The following CNKSR2 variants were observed in gnomAD, a reference collection of about 807,000 sequenced individuals.
CNKSR2 encodes the protein connector enhancer of kinase suppressor of Ras 2.
In CNKSR2, 14 loss-of-function variants were observed where a neutral mutation model predicts 84.4. The observed-to-expected ratio is 0.17, with a 90% CI of 0.11 to 0.26. The LOEUF is 0.26. Among genes scored for constraint, CNKSR2 ranks in the 10% least tolerant of loss-of-function variants. The probability of loss-of-function intolerance (pLI) is 1.00; values close to 1 mark genes in which losing one functional copy is unlikely to be tolerated. For synonymous variants in CNKSR2, 275 were observed against 277.9 expected, an observed-to-expected ratio of 0.99 and a Z score of 0.10; for missense variants, 485 against 771.2, an observed-to-expected ratio of 0.63 and a Z score of 4.40.
intron 4 of CNKSR2, 128 bp from the exon 5 acceptor site, chrX:21,470,638 T>G (rs2091185634): frequency 2.9e-6 from 1 of 340,152 alleles, no homozygotes; most frequent in South Asian, 6.1e-5. Flanking sequence ...CATCCTAGAT[T>G]TTTCCTGTTA....
chrX:21,562,636 A>G (rs1480623972), intron 12 of CNKSR2, among the ~76,000 whole-genome samples: 1 of 111,793 alleles, frequency 8.9e-6, no homozygotes, highest in Non-Finnish European at 1.9e-5. Context: ...AATGCTTATC[A>G]CATGCTATCT....
chrX:21,510,514 G>A (rs1162607946), intron 8 of CNKSR2, among the ~76,000 whole-genome samples: 1 of 111,058 alleles, frequency 9.0e-6, no homozygotes. Context: ...AGTTCTAAAG[G>A]GGTCAGAGAC....
At chrX:21,587,731 G>A (rs1409468539) in intron 13 of CNKSR2, among the ~76,000 whole-genome samples, 1 of 111,609 alleles carries the variant, frequency 9.0e-6, no homozygotes, top group Non-Finnish European at 1.9e-5. Context: ...AACCCTTTCT[G>A]GAGATTATTT....
intron 3 of CNKSR2, 91 bp from the exon 4 acceptor site, chrX:21,440,603 A>T: frequency 2.8e-6 from 1 of 362,151 alleles, no homozygotes; most frequent in Non-Finnish European, 4.8e-6. Context: ...AATTTATTTC[A>T]TATTATTGAT....
intron 4 of CNKSR2, among the ~76,000 whole-genome samples, chrX:21,456,207 G>A (rs927025544): frequency 9.0e-6 from 1 of 111,638 alleles, no homozygotes; most frequent in African/African-American, 3.2e-5. Flanking sequence ...TCCTGTGTAT[G>A]TGTGTGTGTC....
rs144970905 is a variant in CNKSR2 at position 21,419,742 on chromosome X, A to G, written c.65-6755A>G. On this transcript the variant is annotated intron_variant, in intron 1 of 21. Transcript: ENST00000379510. The stretch of plus-strand genomic sequence containing the variant: ...TGTTCTCTTCCCTTACTGTCTCCCA[A>G]ATAAACAGTCTCTCACTCTGTTGTG... Among the ~76,000 whole-genome samples the G allele has an allele frequency of 3.3e-3, 373 of 112,199 alleles. 3 individuals are homozygous for G. The highest frequency in any genetic ancestry group is 0.029 in the Admixed American group (309 of 10,673).
intron 1 of CNKSR2, among the ~76,000 whole-genome samples, chrX:21,377,589 T>C (rs1338274736): frequency 1.8e-5 from 2 of 111,844 alleles, no homozygotes; most frequent in Non-Finnish European, 3.8e-5. Flanking sequence ...ATCCTTAGCA[T>C]TAAAAGCATA....
intron 13 of CNKSR2, among the ~76,000 whole-genome samples, chrX:21,584,498 A>G (rs759880894): frequency 4.4e-5 from 5 of 112,554 alleles, no homozygotes; most frequent in Non-Finnish European, 9.4e-5. Flanking sequence ...AATACTTAAG[A>G]TAATGCTAAA....
chrX:21,468,466 C>CT (rs1440770898), intron 4 of CNKSR2: 1 of 110,841 alleles, frequency 9.0e-6, no homozygotes, highest in Non-Finnish European at 1.9e-5. Context: ...GTCCTGAGTC[C>CT]TACTAAAACA....
At chrX:21,629,658 A>C (rs2092638778) in intron 20 of CNKSR2, among the ~76,000 whole-genome samples, 1 of 111,305 alleles carries the variant, frequency 9.0e-6, no homozygotes, top group East Asian at 2.8e-4. Context: ...ACCCACCCCC[A>C]TGATTCAATT....
chrX:21,601,994 A>G (rs886583294), intron 18 of CNKSR2, among the ~76,000 whole-genome samples: 3 of 112,467 alleles, frequency 2.7e-5, no homozygotes, highest in African/African-American at 6.5e-5. Flanking sequence ...CCACAGATTG[A>G]CATACTTATA....
At chrX:21,595,109 A>G in intron 16 of CNKSR2, 62 bp downstream of exon 16, 1 of 913,504 alleles carries the variant, frequency 1.1e-6, no homozygotes, top group Non-Finnish European at 1.6e-6. Context: ...CCAGCTTTTA[A>G]ATTATAGGTT....
At chrX:21,586,185 G>C (rs576825745) in intron 13 of CNKSR2, among the ~76,000 whole-genome samples, 3 of 111,339 alleles carry the variant, frequency 2.7e-5, no homozygotes, top group South Asian at 7.7e-4. Context: ...GAGAACCAAT[G>C]GACCTCAGCT....
rs1468291649 is a variant in CNKSR2, at chrX:21,441,633, C to T, written c.519+852C>T. Among the ~76,000 whole-genome samples the T allele has an allele frequency of 3.6e-5, 4 of 111,560 alleles. No individual in the cohort carries two copies. The Admixed American group carries it at 3.8e-4, about 11-fold the overall frequency. ...TAAAATAAATTACATAGCTTACGAA[C>T]AGTTAATGTTCATCTAATCATCTAA... On this transcript the variant is annotated intron_variant, in intron 4 of 21. Coordinates refer to ENST00000379510, the MANE Select transcript of CNKSR2 (RefSeq NM_014927.5).
At chrX:21,509,699 C>T (rs1212792756) in intron 8 of CNKSR2, among the ~76,000 whole-genome samples, 1 of 111,301 alleles carries the variant, frequency 9.0e-6, no homozygotes, top group Non-Finnish European at 1.9e-5. Context: ...ATGTAGTAGA[C>T]TTTAATATTG....
At chrX:21,440,670 A>G in intron 3 of CNKSR2, 24 bp from the exon 4 acceptor site, 1 of 1,006,723 alleles carries the variant, frequency 9.9e-7, no homozygotes. Context: ...ACTAGTAATC[A>G]CAATTTTCCT....
At chrX:21,601,161 A>G in intron 17 of CNKSR2, 121 bp from the exon 18 acceptor site, 1 of 424,422 alleles carries the variant, frequency 2.4e-6, no homozygotes, top group Non-Finnish European at 4.0e-6. Context: ...GTAGCAAAGA[A>G]CACATCTTAT....
intron 5 of CNKSR2, among the ~76,000 whole-genome samples, chrX:21,487,466 G>A (rs771640832): frequency 1.6e-4 from 18 of 111,619 alleles, no homozygotes; most frequent in African/African-American, 2.9e-4. Flanking sequence ...TCCTATTTAT[G>A]TATTGGACTC....
chrX:21,637,526 C>A (rs746080369), intron 20 of CNKSR2: 7 of 111,187 alleles, frequency 6.3e-5, no homozygotes, highest in African/African-American at 2.3e-4. Flanking sequence ...TTTCCAACTC[C>A]TTCTCCCTAT....
Sources: allele counts gnomAD v4.1 joint callset (sites outside exome capture counted in the v4.1 genomes callset), GRCh38; gene constraint gnomAD v4.1.1; transcripts MANE v1.5; gene names NCBI Gene and HGNC (gene_info 2026-07-23, HGNC 2026-07-21).